The following TMPO variants were observed in gnomAD, a reference collection of about 807,000 sequenced individuals.
TMPO encodes the protein thymopoietin, also known as LEM domain containing 4.
TMPO carries 22 observed loss-of-function variants against 45.4 expected under a neutral mutation model. The ratio of observed to expected loss-of-function variants is 0.48; its 90% CI spans 0.35 to 0.69. TMPO has a LOEUF of 0.69. Among genes scored for constraint, TMPO ranks in the 30% least tolerant of loss-of-function variants. The probability of loss-of-function intolerance (pLI) is 0.01; values close to 1 mark genes in which losing one functional copy is unlikely to be tolerated. For synonymous variants in TMPO, 241 were observed against 204.1 expected (o/e 1.18, Z -1.54); for missense variants, 512 against 548.8 (o/e 0.93, Z 0.67).
At position 98,548,444 on chromosome 12, in the gene TMPO, C is replaced by T. The variant is rs1272714612; in HGVS notation, c.*586C>T. On this transcript the variant is annotated 3_prime_UTR_variant, in exon 9 of 9. Transcript: ENST00000556029. The stretch of plus-strand genomic sequence containing the variant: ...TGTTGTTGTAGCCCTATCATACTCA[C>T]TTTTTAAGACACAGTATCATGAAAG... The T allele has an allele frequency of 6.5e-6, 1 of 153,090 alleles. No homozygotes were observed. Among genetic ancestry groups the T allele is most frequent in the Non-Finnish European group, 1.5e-5 (1 of 68,440 alleles). 9.5% of individuals were successfully genotyped at this position (153,090 alleles called of 1,614,324 possible).
Position 98,515,903 on chromosome 12 carries a change from A to C in TMPO, c.36A>C (p.Thr12=), listed in dbSNP as rs758798967. The change falls in exon 1 of 9, where the codon ACA becomes ACC. Residue 12 remains threonine, a synonymous_variant. Coordinates refer to ENST00000556029, the MANE Select transcript of TMPO (RefSeq NM_001032283.3). ...TCCTGGAAGACCCCTCGGTCCTGACAAAAGACAAGTTGAAGAGTGAGTTGG... is the reference window on the plus strand; with the variant it reads ...TCCTGGAAGACCCCTCGGTCCTGACCAAAGACAAGTTGAAGAGTGAGTTGG... ...PEFLEDPSVL[T]KDKLKSELVA... is the part of the protein sequence containing the mutation. 1 of 1,613,764 alleles carries C rather than the reference A, an allele frequency of 6.2e-7. No homozygotes were observed. Among genetic ancestry groups the C allele is most frequent in the Admixed American group, 1.7e-5 (1 of 60,018 alleles).
intron 1 of TMPO, among the ~76,000 whole-genome samples, chr12:98,525,091 T>C (rs1876665900): frequency 6.6e-6 from 1 of 152,250 alleles, no homozygotes; most frequent in Admixed American, 6.5e-5. Flanking sequence ...ACTGCACTTT[T>C]TGGAAAATTT....
At chr12:98,527,372 A>T (rs1004370866) in intron 1 of TMPO, among the ~76,000 whole-genome samples, 3 of 150,606 alleles carry the variant, frequency 2.0e-5, no homozygotes, top group Non-Finnish European at 4.4e-5. Context: ...AACCACAGGC[A>T]AAAAGCCAAG....
intron 4 of TMPO, among the ~76,000 whole-genome samples, chr12:98,541,031 A>G (rs975168168): frequency 3.3e-4 from 50 of 150,916 alleles, no homozygotes; most frequent in Non-Finnish European, 6.5e-4. Flanking sequence ...ATGATCAGTT[A>G]CAGTCATCAT....
chr12:98,534,680 T>C, intron 3 of TMPO: 1 of 1,115,298 alleles, frequency 9.0e-7, no homozygotes, highest in Non-Finnish European at 1.1e-6. Context: ...TACTGTTCAA[T>C]AGAATAATAT....
chr12:98,525,179 C>A (rs914231819), intron 1 of TMPO, among the ~76,000 whole-genome samples: 6 of 152,118 alleles, frequency 3.9e-5, no homozygotes, highest in African/African-American at 1.4e-4. Context: ...AACTCTTAGA[C>A]CCTAGGCAAC....
At chr12:98,547,144 C>T (rs1227437807) in intron 8 of TMPO, among the ~76,000 whole-genome samples, 2 of 149,682 alleles carry the variant, frequency 1.3e-5, no homozygotes, top group African/African-American at 2.5e-5. Flanking sequence ...GGCGTGATCT[C>T]GGCTCACTAC....
At chr12:98,544,405 T>C in intron 5 of TMPO, 37 bp from the exon 6 acceptor site, 2 of 1,612,596 alleles carry the variant, frequency 1.2e-6, no homozygotes, top group Non-Finnish European at 1.7e-6. Flanking sequence ...AGTATTATTT[T>C]ATATTTATTG....
chr12:98,522,064 C>T (rs776859097), intron 1 of TMPO, among the ~76,000 whole-genome samples: 6 of 151,930 alleles, frequency 3.9e-5, no homozygotes, highest in South Asian at 4.2e-4. Context: ...GATAGGGTCT[C>T]GCTCTGTCCC....
chr12:98,528,191 T>G (rs564130654), intron 2 of TMPO, among the ~76,000 whole-genome samples, 179 bp downstream of exon 2: 1 of 152,104 alleles, frequency 6.6e-6, no homozygotes, highest in African/African-American at 2.4e-5. Context: ...AGGATTGAAT[T>G]AGATAATCTC....
At chr12:98,524,729 G>A (rs1876634955) in intron 1 of TMPO, among the ~76,000 whole-genome samples, 1 of 152,164 alleles carries the variant, frequency 6.6e-6, no homozygotes, top group African/African-American at 2.4e-5. Flanking sequence ...AGGTAGCTGG[G>A]ATTACAGGCA....
intron 7 of TMPO, 77 bp downstream of exon 7, chr12:98,545,138 TTTTTTTTTTG>T: frequency 3.3e-6 from 4 of 1,213,780 alleles, no homozygotes; most frequent in Non-Finnish European, 4.7e-6. Context: ...TGTTTTTTTT[TTTTTTTTTTG>T]GAGTGGGAGG....
chr12:98,535,570 T>A, intron 3 of TMPO: 1 of 985,382 alleles, frequency 1.0e-6, no homozygotes, highest in Non-Finnish European at 1.2e-6. Context: ...GCTATGTGAT[T>A]TTTAAAAATG....
chr12:98,543,019 A>T (rs1878013675), intron 4 of TMPO, among the ~76,000 whole-genome samples: 1 of 151,964 alleles, frequency 6.6e-6, no homozygotes. Flanking sequence ...AACTCTTATA[A>T]TATCAATTCC....
At position 98,548,019 on chromosome 12, in the gene TMPO, T is replaced by G. The variant is rs1261534404; in HGVS notation, c.*161T>G. Reference sequence around the variant, plus strand: ...GCAAACAAAATATATATAAATGGACTTCATTAAAATGTTTTTGAACTTTGG... The same window carrying G: ...GCAAACAAAATATATATAAATGGACGTCATTAAAATGTTTTTGAACTTTGG... On this transcript the variant is annotated 3_prime_UTR_variant, in exon 9 of 9. Coordinates refer to ENST00000556029, the MANE Select transcript of TMPO (RefSeq NM_001032283.3). 2.6e-5 allele frequency: 21 copies of G among 797,044 alleles called. No individual in the cohort carries two copies. Among genetic ancestry groups the G allele is most frequent in the Non-Finnish European group, 4.0e-5 (21 of 520,836 alleles). 49.4% of individuals were successfully genotyped at this position (797,044 alleles called of 1,614,324 possible).
At chr12:98,537,756 CAGCA>C in intron 4 of TMPO, 184 bp downstream of exon 4, 1 of 658,356 alleles carries the variant, frequency 1.5e-6, no homozygotes, top group Middle Eastern at 2.5e-4. Flanking sequence ...CCTGTGATTA[CAGCA>C]AAAGCAAATT....
intron 3 of TMPO, chr12:98,534,123 T>A (rs1211245208): frequency 6.2e-7 from 1 of 1,613,696 alleles, no homozygotes; most frequent in Non-Finnish European, 8.5e-7. Flanking sequence ...GCAAAACATA[T>A]GATGCAGCCT....
intron 3 of TMPO, 27 bp downstream of exon 3, chr12:98,531,865 A>C (rs1250676726): frequency 1.3e-6 from 2 of 1,596,716 alleles, no homozygotes; most frequent in African/African-American, 2.7e-5. Flanking sequence ...TGTTAATCAA[A>C]TGTATGGAAT....
intron 1 of TMPO, among the ~76,000 whole-genome samples, chr12:98,522,089 A>G (rs1273720377): frequency 6.6e-6 from 1 of 152,042 alleles, no homozygotes; most frequent in Non-Finnish European, 1.5e-5. Context: ...ACTGTAGTGC[A>G]GTGGTATGAT....
Sources: gnomAD v4.1 joint callset for allele counts (sites outside exome capture counted in the v4.1 genomes callset) on GRCh38, gnomAD v4.1.1 for gene constraint, MANE v1.5 for transcripts, NCBI Gene and HGNC (gene_info 2026-07-23, HGNC 2026-07-21) for gene names.